The following KIF6 variants were observed in gnomAD, a reference collection of about 807,000 sequenced individuals.
KIF6 encodes kinesin-like protein KIF6.
A neutral mutation model predicts 112.7 loss-of-function variants in KIF6; 106 were observed. That is an observed-to-expected ratio of 0.94 (90% CI 0.80 to 1.11). The LOEUF (loss-of-function observed/expected upper bound fraction) is 1.11, where lower values mean the gene tolerates loss of function less well. KIF6 is among the 50% of genes least tolerant of loss of function. KIF6 has a pLI of 0.00. For synonymous variants in KIF6, 339 were observed against 339.9 expected, an observed-to-expected ratio of 1.00 and a Z score of 0.03; for missense variants, 929 against 964.0, an observed-to-expected ratio of 0.96 and a Z score of 0.48.
intron 13 of KIF6, among the ~76,000 whole-genome samples, chr6:39,500,635 T>G (rs1033094468): frequency 1.3e-5 from 2 of 152,204 alleles, no homozygotes; most frequent in African/African-American, 4.8e-5. Flanking sequence ...AGGACAACAA[T>G]GTTACTACTT....
intron 3 of KIF6, among the ~76,000 whole-genome samples, chr6:39,685,733 C>T (rs1231251119): frequency 6.6e-6 from 1 of 152,190 alleles, no homozygotes; most frequent in African/African-American, 2.4e-5. Flanking sequence ...AAATGGAAGG[C>T]TTAAATGGTG....
chr6:39,410,328 C>T (rs1395878140), intron 15 of KIF6, among the ~76,000 whole-genome samples: 1 of 152,132 alleles, frequency 6.6e-6, no homozygotes, highest in African/African-American at 2.4e-5. Context: ...AATGACTCTC[C>T]CATAAGGGAA....
chr6:39,416,475 A>C (rs1445835737), intron 15 of KIF6, among the ~76,000 whole-genome samples: 1 of 151,890 alleles, frequency 6.6e-6, no homozygotes, highest in Non-Finnish European at 1.5e-5. Context: ...AGAAACACAG[A>C]CTCTTATTAT....
chr6:39,561,859 A>C (rs1180356203), intron 10 of KIF6, among the ~76,000 whole-genome samples: 1 of 152,342 alleles, frequency 6.6e-6, no homozygotes, highest in East Asian at 1.9e-4. Flanking sequence ...AAGTGGTCTC[A>C]GGGCTTCTTA....
chr6:39,592,035 C>T (rs572771968), intron 7 of KIF6, among the ~76,000 whole-genome samples: 92 of 152,256 alleles, frequency 6.0e-4, no homozygotes, highest in South Asian at 6.2e-4. Flanking sequence ...TGGCAAGAAC[C>T]CGGGAGATGG....
intron 20 of KIF6, among the ~76,000 whole-genome samples, chr6:39,346,092 CCT>C (rs1763737522): frequency 4.2e-5 from 2 of 48,132 alleles, no homozygotes; most frequent in Admixed American, 2.2e-4. Flanking sequence ...CTCTCCCCCC[CCT>C]CTCCCTCCCC....
At chr6:39,665,760 C>T (rs1436185691) in intron 3 of KIF6, among the ~76,000 whole-genome samples, 2 of 151,720 alleles carry the variant, frequency 1.3e-5, no homozygotes, top group East Asian at 3.9e-4. Context: ...AGAATATGTT[C>T]ACATTAATTT....
At chr6:39,676,254 C>T (rs1364506200) in intron 3 of KIF6, among the ~76,000 whole-genome samples, 1 of 152,018 alleles carries the variant, frequency 6.6e-6, no homozygotes, top group Admixed American at 6.6e-5. Flanking sequence ...AAAGACATTG[C>T]CTGAAAAAGA....
chr6:39,337,168 C>CTTTCTTTCT lies in KIF6; in HGVS notation c.2429-621_2429-620insAGAAAGAAA, dbSNP rs531905392. Among the ~76,000 whole-genome samples the CTTTCTTTCT allele has an allele frequency of 1.1e-3, 52 of 48,534 alleles. 3 individuals carry two copies. In the East Asian group the frequency reaches 0.014, roughly 13 times the overall value. The allele number at this position is 48,534 out of a possible 152,430, so 31.8% of individuals were successfully genotyped here. Reference sequence around the variant, plus strand: ...CCTTTCTCTTTCTTTTCTTTCTTTCCTTCCTTCTTTCTTTCTTTCTTTCTT... The same window carrying CTTTCTTTCT: ...CCTTTCTCTTTCTTTTCTTTCTTTCCTTTCTTTCTTTCCTTCTTTCTTTCTTTCTTTCTT... On this transcript the variant is annotated intron_variant, in intron 22 of 22. Transcript: ENST00000287152.
intron 13 of KIF6, among the ~76,000 whole-genome samples, chr6:39,531,571 T>C (rs1331527856): frequency 6.6e-6 from 1 of 152,052 alleles, no homozygotes; most frequent in Admixed American, 6.5e-5. Flanking sequence ...CTAACATGAG[T>C]ACCGATTTTA....
At chr6:39,497,681 T>G (rs1289295282) in intron 13 of KIF6, among the ~76,000 whole-genome samples, 1 of 152,272 alleles carries the variant, frequency 6.6e-6, no homozygotes, top group South Asian at 2.1e-4. Context: ...CTAGGGACAA[T>G]ACTGAAGTTG....
rs1776487924 is a variant in KIF6, at chr6:39,507,508, T to C, written c.1645+32495A>G. Among the ~76,000 whole-genome samples, 3 of 152,210 alleles carry C rather than the reference T, an allele frequency of 2.0e-5. No individual in the cohort carries two copies. The South Asian group carries it at 6.2e-4, about 32-fold the overall frequency. On this transcript the variant is annotated intron_variant, in intron 13 of 22. Coordinates refer to ENST00000287152, the MANE Select transcript of KIF6 (RefSeq NM_145027.6). The stretch of plus-strand genomic sequence containing the variant: ...AGGCCCTTGGTGGGCTGTTCCTCCA[T>C]CACATGGGACATATGCAACCTGGGG...
chr6:39,682,316 G>T (rs1787571206), intron 3 of KIF6, among the ~76,000 whole-genome samples: 1 of 152,162 alleles, frequency 6.6e-6, no homozygotes, highest in Admixed American at 6.5e-5. Flanking sequence ...GGCTATATTG[G>T]CATAGACTGT....
rs1402286932 is a variant in KIF6 at position 39,586,405 on chromosome 6, C to T, written c.847-1G>A. On this transcript the variant is annotated splice_acceptor_variant, in intron 7 of 22. Transcript: ENST00000287152. LOFTEE classifies it high-confidence loss of function. ...GCTTTTCTGAAAGGGCAATGATAAC[C>T]TGTGGTAAAGTAGAAAGATAATGGG... 6.2e-7 allele frequency: 1 copy of T among 1,613,502 alleles called. No individual in the cohort carries two copies. The highest frequency in any genetic ancestry group is 1.7e-5 in the Admixed American group (1 of 59,968).
At chr6:39,669,300 G>C (rs1194358626) in intron 3 of KIF6, among the ~76,000 whole-genome samples, 1 of 152,142 alleles carries the variant, frequency 6.6e-6, no homozygotes, top group Non-Finnish European at 1.5e-5. Context: ...CTGATTCTAA[G>C]AGGAAATGGC....
intron 12 of KIF6, among the ~76,000 whole-genome samples, chr6:39,541,471 T>C (rs930104694): frequency 2.6e-5 from 4 of 152,234 alleles, no homozygotes; most frequent in Non-Finnish European, 4.4e-5. Context: ...TACACTTCCA[T>C]TGGTTCACAC....
rs115069622 is a variant in KIF6 at position 39,647,517 on chromosome 6, G to A, written c.252-7760C>T. ...AGAAGCTGGTGACATGACTCAAGCC[G>A]AGCAAAAAAGAGTGCCTTTGTGTCT... On this transcript the variant is annotated intron_variant, in intron 3 of 22. Coordinates refer to ENST00000287152, the MANE Select transcript of KIF6 (RefSeq NM_145027.6). 2.6e-3 allele frequency among the ~76,000 whole-genome samples: 395 copies of A among 151,968 alleles called. 3 individuals carry two copies. Among genetic ancestry groups the A allele is most frequent in the African/African-American group, 9.2e-3 (380 of 41,504 alleles).
chr6:39,436,366 A>T (rs1771528803), intron 13 of KIF6, among the ~76,000 whole-genome samples: 1 of 151,848 alleles, frequency 6.6e-6, no homozygotes, highest in South Asian at 2.1e-4. Context: ...TTTTTAGTTT[A>T]ATTAGGTCCC....
intron 13 of KIF6, among the ~76,000 whole-genome samples, chr6:39,487,139 A>C (rs1038536777): frequency 2.0e-5 from 3 of 152,232 alleles, no homozygotes; most frequent in Non-Finnish European, 4.4e-5. Context: ...AATAAATAAA[A>C]ATAGAAAATT....
Sources: allele counts gnomAD v4.1 joint callset (sites outside exome capture counted in the v4.1 genomes callset), GRCh38; gene constraint gnomAD v4.1.1; transcripts MANE v1.5; gene names NCBI Gene and HGNC (gene_info 2026-07-23, HGNC 2026-07-21).